GARIN2: variants seen among roughly 807,000 people sequenced by gnomAD.
GARIN2 encodes the protein golgi associated RAB2 interactor family member 2.
the GARIN2 span, among the ~76,000 whole-genome samples, chr14:67,213,130 T>C: frequency 3.3e-5 from 5 of 151,194 alleles, no homozygotes; most frequent in African/African-American, 1.2e-4. Context: ...ATAGCTGTTC[T>C]GCATGTAGAA....
chr14:67,213,370 T>G, the GARIN2 span, among the ~76,000 whole-genome samples: 1 of 130,964 alleles, frequency 7.6e-6, no homozygotes, highest in South Asian at 2.6e-4. Context: ...TGTGTCCATG[T>G]GTTCTCATTG....
At chr14:67,193,332 A>G in the GARIN2 span, among the ~76,000 whole-genome samples, 2 of 138,522 alleles carry the variant, frequency 1.4e-5, no homozygotes, top group African/African-American at 5.2e-5. Flanking sequence ...ATATATCTCT[A>G]TATAGATATC....
the GARIN2 span, among the ~76,000 whole-genome samples, chr14:67,226,517 C>A: frequency 2.6e-5 from 4 of 152,186 alleles, no homozygotes; most frequent in South Asian, 8.3e-4. Flanking sequence ...CACACCATCA[C>A]ACCTGGCTAA....
chr14:67,199,477 C>G, the GARIN2 span: 1 of 1,613,026 alleles, frequency 6.2e-7, no homozygotes, highest in Non-Finnish European at 8.5e-7. Context: ...CTGACACAGG[C>G]AACTCCAAAG....
the GARIN2 span, among the ~76,000 whole-genome samples, chr14:67,220,445 A>G: frequency 8.9e-5 from 12 of 135,150 alleles, no homozygotes; most frequent in Non-Finnish European, 1.5e-4. Flanking sequence ...TTTTCTCAGG[A>G]AAAAAAAAAA....
chr14:67,222,318 G>A, the GARIN2 span, among the ~76,000 whole-genome samples: 11 of 152,058 alleles, frequency 7.2e-5, no homozygotes, highest in African/African-American at 1.7e-4. Flanking sequence ...TTTGTGAGGC[G>A]TAGTCTCTGT....
At chr14:67,226,998 A>G in the GARIN2 span, among the ~76,000 whole-genome samples, 2 of 152,236 alleles carry the variant, frequency 1.3e-5, no homozygotes, top group African/African-American at 2.4e-5. Context: ...TTCTTTCAAG[A>G]TAACTCAATA....
At chr14:67,199,763 C>A in the GARIN2 span, 2 of 1,539,724 alleles carry the variant, frequency 1.3e-6, no homozygotes, top group Admixed American at 3.6e-5. Flanking sequence ...GCTTCCTCCA[C>A]CAGGCATGCC....
At chr14:67,199,650 C>A in the GARIN2 span, 2 of 1,577,954 alleles carry the variant, frequency 1.3e-6, no homozygotes, top group South Asian at 2.2e-5. Flanking sequence ...CTTCTGGCAG[C>A]TCAGAACCCG....
the GARIN2 span, among the ~76,000 whole-genome samples, chr14:67,206,834 G>A: frequency 1.7e-4 from 26 of 151,962 alleles, no homozygotes; most frequent in East Asian, 2.7e-3. Context: ...AGGTTCAAGC[G>A]ATTCTTATGC....
chr14:67,193,058 CTATATCTA>C, the GARIN2 span, among the ~76,000 whole-genome samples: 3 of 143,946 alleles, frequency 2.1e-5, no homozygotes, highest in East Asian at 2.1e-4. Flanking sequence ...AGATATATCT[CTATATCTA>C]TATATATCCA....
chr14:67,221,785 G>A, the GARIN2 span: 31 of 1,613,164 alleles, frequency 1.9e-5, no homozygotes, highest in Non-Finnish European at 2.4e-5. Context: ...ACAGGAGCTT[G>A]AGAACTGAAT....
the GARIN2 span, chr14:67,200,487 C>T: frequency 1.3e-5 from 5 of 374,870 alleles, no homozygotes; most frequent in East Asian, 2.7e-4. Context: ...GGAGGTATTT[C>T]TTTTTTATGT....
At chr14:67,201,314 T>C in the GARIN2 span, 10 of 351,218 alleles carry the variant, frequency 2.8e-5, no homozygotes, top group African/African-American at 1.3e-4. Flanking sequence ...CAAATAAATA[T>C]TTTTAAAAAA....
chr14:67,193,004 A>G, the GARIN2 span, among the ~76,000 whole-genome samples: 4 of 146,318 alleles, frequency 2.7e-5, no homozygotes, highest in Non-Finnish European at 4.5e-5. Flanking sequence ...ATCTCTATAT[A>G]TCAATATCTA....
At chr14:67,195,451 G>A in the GARIN2 span, among the ~76,000 whole-genome samples, 3 of 152,158 alleles carry the variant, frequency 2.0e-5, no homozygotes, top group East Asian at 3.9e-4. Flanking sequence ...AGGGCCTTTC[G>A]CTATCCCAGC....
At chr14:67,204,516 T>A in the GARIN2 span, 1 of 1,605,448 alleles carries the variant, frequency 6.2e-7, no homozygotes, top group Non-Finnish European at 8.5e-7. Context: ...CCAGATGATG[T>A]TACCGTGTGC....
the GARIN2 span, chr14:67,198,058 A>G: frequency 7.7e-6 from 11 of 1,429,390 alleles, no homozygotes; most frequent in Non-Finnish European, 1.0e-5. Context: ...AATTTGCTGA[A>G]TTAATAAATA....
At chr14:67,201,371 G>C in the GARIN2 span, 2 of 444,126 alleles carry the variant, frequency 4.5e-6, no homozygotes, top group Non-Finnish European at 9.0e-6. Context: ...GAGCCCCAGG[G>C]CATCAGCTCA....
Sources: allele counts gnomAD v4.1 joint callset (sites outside exome capture counted in the v4.1 genomes callset), GRCh38; gene constraint gnomAD v4.1.1; transcripts MANE v1.5; gene names NCBI Gene and HGNC (gene_info 2026-07-23, HGNC 2026-07-21).